MRPS35: variants seen among roughly 807,000 people sequenced by gnomAD.
MRPS35 encodes the protein small ribosomal subunit protein mS35.
Under a neutral mutation model 32.7 loss-of-function variants are expected in MRPS35, and 29 were observed. That is an observed-to-expected ratio of 0.89 (90% confidence interval 0.66 to 1.21). The LOEUF (loss-of-function observed/expected upper bound fraction) is 1.21, where lower values mean the gene tolerates loss of function less well. MRPS35 is among the 50% of genes most tolerant of loss of function. The pLI, the probability that MRPS35 is intolerant of heterozygous loss-of-function variation, is 0.00. For missense variants in MRPS35, 373 were observed against 383.8 expected (o/e 0.97, Z 0.23); for synonymous variants, 148 against 139.3 (o/e 1.06, Z -0.44).
Position 27,755,557 on chromosome 12 carries a change from A to G in MRPS35, c.*107A>G. The G allele has an allele frequency of 8.7e-7, 1 of 1,148,080 alleles. No individual in the cohort carries two copies. Among genetic ancestry groups the G allele is most frequent in the Non-Finnish European group, 1.2e-6 (1 of 845,992 alleles). The allele number at this position is 1,148,080 out of a possible 1,614,324, so 71.1% of individuals were successfully genotyped here. ...TGTTAAAAAATCATTTTTTTTCCTC[A>G]GAGTTAAAATTATTTCCCTCATACT... On this transcript the variant is annotated 3_prime_UTR_variant, in exon 8 of 8. Transcript: ENST00000081029.
intron 4 of MRPS35, among the ~76,000 whole-genome samples, chr12:27,721,095 G>A (rs1428761097): frequency 6.6e-6 from 1 of 152,182 alleles, no homozygotes; most frequent in African/African-American, 2.4e-5. Context: ...TCCTGATTAT[G>A]TTGGGAAGGA....
rs1429540707 is a variant in MRPS35 at position 27,732,928 on chromosome 12, A to G, written c.523-2519A>G. On this transcript the variant is annotated intron_variant, in intron 5 of 7. Coordinates refer to ENST00000081029, the MANE Select transcript of MRPS35 (RefSeq NM_021821.4). ...CTTGCATATAGAGAAAATATTTCAC[A>G]AGTTTAGACATTTCCGAATTTATGT... is the stretch of plus-strand genomic sequence containing the variant. Among the ~76,000 whole-genome samples, 5 of 150,308 alleles carry G rather than the reference A, an allele frequency of 3.3e-5. No individual in the cohort carries two copies. In the East Asian group the frequency reaches 7.9e-4, roughly 24 times the overall value.
At chr12:27,727,661 G>A (rs1269701004) in intron 5 of MRPS35, among the ~76,000 whole-genome samples, 1 of 152,120 alleles carries the variant, frequency 6.6e-6, no homozygotes, top group Non-Finnish European at 1.5e-5. Context: ...GGTGTCATAT[G>A]TAAGAAATCA....
intron 6 of MRPS35, among the ~76,000 whole-genome samples, 182 bp from the exon 7 acceptor site, chr12:27,737,357 G>A (rs1169738611): frequency 6.6e-6 from 1 of 152,198 alleles, no homozygotes; most frequent in Non-Finnish European, 1.5e-5. Context: ...AATAACACCG[G>A]TGTTTAGCTT....
chr12:27,743,572 C>G (rs985527319), intron 7 of MRPS35, among the ~76,000 whole-genome samples: 1 of 152,124 alleles, frequency 6.6e-6, no homozygotes, highest in African/African-American at 2.4e-5. Flanking sequence ...TATTAATTGT[C>G]TATTTGCTTG....
At chr12:27,744,225 CA>C (rs1358534210) in intron 7 of MRPS35, among the ~76,000 whole-genome samples, 1 of 152,106 alleles carries the variant, frequency 6.6e-6, no homozygotes, top group African/African-American at 2.4e-5. Context: ...GCCTCATTAG[CA>C]GGGATCTGAC....
intron 7 of MRPS35, among the ~76,000 whole-genome samples, chr12:27,746,872 G>A (rs1360859326): frequency 6.6e-6 from 1 of 151,888 alleles, no homozygotes; most frequent in Non-Finnish European, 1.5e-5. Context: ...TATCCCTACC[G>A]CTACAGTCTA....
chr12:27,745,903 T>A (rs1222675139), intron 7 of MRPS35, among the ~76,000 whole-genome samples: 1 of 152,232 alleles, frequency 6.6e-6, no homozygotes, highest in African/African-American at 2.4e-5. Flanking sequence ...ACTCATCATT[T>A]TTTATGGCTG....
intron 5 of MRPS35, among the ~76,000 whole-genome samples, chr12:27,729,905 T>G (rs1416327500): frequency 1.3e-5 from 2 of 152,234 alleles, no homozygotes. Context: ...TTGTTTCCTT[T>G]GTCAAAGAAA....
At position 27,719,875 on chromosome 12, in the gene MRPS35, G is replaced by C; in HGVS notation, c.382+7G>C. The C allele has an allele frequency of 6.3e-7, 1 of 1,590,766 alleles. No homozygotes were observed. The highest frequency in any genetic ancestry group is 8.6e-7 in the Non-Finnish European group (1 of 1,162,012). On this transcript the variant is annotated splice_region_variant and intron_variant, in intron 4 of 7. Coordinates refer to ENST00000081029, the MANE Select transcript of MRPS35 (RefSeq NM_021821.4). ...CACTGTGAAGCCCTTAAAGGTAAGT[G>C]GTTATTTTCTTATATGAATTTTATA...
chr12:27,740,937 CA>C (rs1174768609), intron 7 of MRPS35, among the ~76,000 whole-genome samples: 1 of 152,028 alleles, frequency 6.6e-6, no homozygotes, highest in African/African-American at 2.4e-5. Flanking sequence ...GAGGCAAAGG[CA>C]GGCGGATTGC....
chr12:27,749,711 G>A (rs971797929), intron 7 of MRPS35, among the ~76,000 whole-genome samples: 1 of 152,142 alleles, frequency 6.6e-6, no homozygotes, highest in African/African-American at 2.4e-5. Context: ...GTGGGGAAAT[G>A]TGGGTTTGAA....
intron 3 of MRPS35, 87 bp downstream of exon 3, chr12:27,716,545 C>A: frequency 1.5e-6 from 2 of 1,340,356 alleles, no homozygotes; most frequent in Non-Finnish European, 1.1e-6. Flanking sequence ...TTATGCTTCA[C>A]CGTTCAGTGT....
intron 1 of MRPS35, among the ~76,000 whole-genome samples, chr12:27,714,392 C>G (rs2061841025): frequency 6.6e-6 from 1 of 152,022 alleles, no homozygotes; most frequent in African/African-American, 2.4e-5. Flanking sequence ...TTGAGACCAG[C>G]CTGGCCAACA....
intron 5 of MRPS35, among the ~76,000 whole-genome samples, chr12:27,734,042 G>C (rs925893731): frequency 2.0e-5 from 3 of 152,126 alleles, no homozygotes; most frequent in Non-Finnish European, 4.4e-5. Context: ...AAATAAATAG[G>C]CTACTATACT....
chr12:27,741,888 CT>C (rs923961059), intron 7 of MRPS35, among the ~76,000 whole-genome samples: 1 of 152,070 alleles, frequency 6.6e-6, no homozygotes, highest in Non-Finnish European at 1.5e-5. Context: ...TTTCGGCTGT[CT>C]TATTTGGATT....
intron 6 of MRPS35, 60 bp from the exon 7 acceptor site, chr12:27,737,479 C>G: frequency 7.3e-7 from 1 of 1,376,264 alleles, no homozygotes; most frequent in South Asian, 1.2e-5. Context: ...GCATATTTTG[C>G]AAATTTTTCT....
At chr12:27,716,636 G>A (rs1043346115) in intron 3 of MRPS35, among the ~76,000 whole-genome samples, 178 bp downstream of exon 3, 3 of 152,128 alleles carry the variant, frequency 2.0e-5, no homozygotes, top group Admixed American at 2.0e-4. Context: ...ATAATAATAG[G>A]TGTTGTATTT....
intron 7 of MRPS35, among the ~76,000 whole-genome samples, chr12:27,754,881 T>C (rs1272761993): frequency 6.6e-6 from 1 of 152,158 alleles, no homozygotes; most frequent in Non-Finnish European, 1.5e-5. Context: ...GTACAGATTG[T>C]AAGGCAGACA....
Sources: gnomAD v4.1 joint callset for allele counts (sites outside exome capture counted in the v4.1 genomes callset) on GRCh38, gnomAD v4.1.1 for gene constraint, MANE v1.5 for transcripts, NCBI Gene and HGNC (gene_info 2026-07-23, HGNC 2026-07-21) for gene names.